The following BRINP3 variants were observed in gnomAD, a reference collection of about 807,000 sequenced individuals.
BRINP3 encodes the protein BMP/retinoic acid inducible neural specific 3.
Under a neutral mutation model 71.0 loss-of-function variants are expected in BRINP3, and 19 were observed. The observed-to-expected ratio is 0.27, with a 90% CI of 0.19 to 0.39. The LOEUF is 0.39. BRINP3 is among the 10% of genes least tolerant of loss of function. The probability of loss-of-function intolerance (pLI) is 1.00; values close to 1 mark genes in which losing one functional copy is unlikely to be tolerated. For missense variants in BRINP3, 959 were observed against 940.8 expected, an observed-to-expected ratio of 1.02 and a Z score of -0.25; for synonymous variants, 380 against 337.7, an observed-to-expected ratio of 1.13 and a Z score of -1.37.
At chr1:190,466,359 G>A (rs1415438046) in intron 1 of BRINP3, among the ~76,000 whole-genome samples, 1 of 151,554 alleles carries the variant, frequency 6.6e-6, no homozygotes, top group Non-Finnish European at 1.5e-5. Flanking sequence ...AGGCATACAA[G>A]GTGAAATGAG....
At chr1:190,145,891 T>C (rs928156828) in intron 7 of BRINP3, among the ~76,000 whole-genome samples, 1 of 152,158 alleles carries the variant, frequency 6.6e-6, no homozygotes, top group African/African-American at 2.4e-5. Context: ...AATAGAATAA[T>C]GTCTTTTGCA....
chr1:190,431,834 T>C (rs2102510999), intron 2 of BRINP3, among the ~76,000 whole-genome samples: 1 of 152,248 alleles, frequency 6.6e-6, no homozygotes, highest in South Asian at 2.1e-4. Context: ...TGCCAGATAA[T>C]GCAAATGATA....
intron 2 of BRINP3, among the ~76,000 whole-genome samples, chr1:190,320,968 C>G (rs542532855): frequency 6.6e-6 from 1 of 151,968 alleles, no homozygotes; most frequent in Non-Finnish European, 1.5e-5. Context: ...TATATATACA[C>G]ACACACACAC....
chr1:190,257,247 C>G (rs905928160), intron 4 of BRINP3, among the ~76,000 whole-genome samples: 2 of 152,158 alleles, frequency 1.3e-5, no homozygotes, highest in African/African-American at 4.8e-5. Flanking sequence ...GATCTTCAAT[C>G]ATTGATACCC....
intron 2 of BRINP3, among the ~76,000 whole-genome samples, chr1:190,414,168 AT>A (rs1257307897): frequency 6.6e-6 from 1 of 152,040 alleles, no homozygotes; most frequent in Admixed American, 6.6e-5. Context: ...AAAAAATAAT[AT>A]TTTTTACTAT....
intron 1 of BRINP3, among the ~76,000 whole-genome samples, chr1:190,465,462 G>A (rs1039112431): frequency 3.3e-5 from 5 of 151,812 alleles, no homozygotes; most frequent in Non-Finnish European, 5.9e-5. Flanking sequence ...TGCTAAGTCA[G>A]TTTTATTTGA....
chr1:190,445,648 T>C (rs996423263), intron 2 of BRINP3, among the ~76,000 whole-genome samples: 1 of 151,940 alleles, frequency 6.6e-6, no homozygotes, highest in Non-Finnish European at 1.5e-5. Context: ...CCAGTTTTTT[T>C]CCTCTAATTT....
At chr1:190,158,060 T>C (rs1391797499) in intron 7 of BRINP3, among the ~76,000 whole-genome samples, 3 of 152,132 alleles carry the variant, frequency 2.0e-5, no homozygotes, top group African/African-American at 4.8e-5. Context: ...GGAACTGATA[T>C]AGTTTGGCTG....
intron 2 of BRINP3, among the ~76,000 whole-genome samples, chr1:190,288,591 T>C (rs1189233268): frequency 6.6e-6 from 1 of 151,922 alleles, no homozygotes; most frequent in South Asian, 2.1e-4. Flanking sequence ...ATCATGGGTG[T>C]AATAAAACTG....
At chr1:190,161,317 A>G (rs1031779955) in intron 6 of BRINP3, among the ~76,000 whole-genome samples, 2 of 151,886 alleles carry the variant, frequency 1.3e-5, no homozygotes, top group Non-Finnish European at 2.9e-5. Context: ...AATTTTTATT[A>G]AATCAGAATA....
chr1:190,104,914 A>G (rs1030730482), intron 7 of BRINP3, among the ~76,000 whole-genome samples: 59 of 152,032 alleles, frequency 3.9e-4, no homozygotes, highest in African/African-American at 1.4e-3. Context: ...AACCTAAACT[A>G]TATAATTTCA....
intron 2 of BRINP3, among the ~76,000 whole-genome samples, chr1:190,410,668 G>C (rs900035421): frequency 6.6e-6 from 1 of 152,018 alleles, no homozygotes; most frequent in Non-Finnish European, 1.5e-5. Context: ...CGTTTTAGAA[G>C]AAAAACTAAT....
chr1:190,197,521 C>T (rs1047435179), intron 6 of BRINP3, among the ~76,000 whole-genome samples: 1 of 152,184 alleles, frequency 6.6e-6, no homozygotes, highest in Non-Finnish European at 1.5e-5. Context: ...TGGGTAAATA[C>T]AGCCATTCCA....
intron 2 of BRINP3, among the ~76,000 whole-genome samples, chr1:190,298,820 C>A (rs1664451972): frequency 6.6e-6 from 1 of 152,030 alleles, no homozygotes; most frequent in Non-Finnish European, 1.5e-5. Context: ...TTGACTAGAT[C>A]ATGTTTGTTG....
At chr1:190,441,259 G>A (rs1350442795) in intron 2 of BRINP3, among the ~76,000 whole-genome samples, 1 of 151,996 alleles carries the variant, frequency 6.6e-6, no homozygotes, top group Non-Finnish European at 1.5e-5. Flanking sequence ...GGAACACACA[G>A]TGTATGTTAT....
At position 190,273,197 on chromosome 1, in the gene BRINP3, G is replaced by C. The variant is rs142636270; in HGVS notation, c.428-8142C>G. On this transcript the variant is annotated intron_variant, in intron 3 of 7. Coordinates refer to ENST00000367462, the MANE Select transcript of BRINP3 (RefSeq NM_199051.3). Reference sequence around the variant, plus strand: ...AGTATTAAATTATAACAATTCATCAGAACCTATGTAAATGACACACAATGT... The same window carrying C: ...AGTATTAAATTATAACAATTCATCACAACCTATGTAAATGACACACAATGT... Among the ~76,000 whole-genome samples the C allele has an allele frequency of 1.6e-4, 24 of 151,380 alleles. No individual in the cohort carries two copies. The East Asian group carries it at 3.9e-3, about 25-fold the overall frequency.
intron 7 of BRINP3, among the ~76,000 whole-genome samples, chr1:190,144,999 T>A (rs553667438): frequency 3.9e-5 from 6 of 152,326 alleles, no homozygotes; most frequent in East Asian, 1.9e-4. Flanking sequence ...GACAACCACA[T>A]AGATACCTAA....
chr1:190,403,121 C>T (rs1391417722), intron 2 of BRINP3, among the ~76,000 whole-genome samples: 1 of 152,154 alleles, frequency 6.6e-6, no homozygotes, highest in Non-Finnish European at 1.5e-5. Context: ...ATACTTTTCT[C>T]TATTATCAAA....
At chr1:190,184,830 T>C (rs1446577287) in intron 6 of BRINP3, among the ~76,000 whole-genome samples, 1 of 151,952 alleles carries the variant, frequency 6.6e-6, no homozygotes, top group Non-Finnish European at 1.5e-5. Flanking sequence ...TACCCTAACC[T>C]CAGCATCAAG....
Sources: allele counts gnomAD v4.1 joint callset (sites outside exome capture counted in the v4.1 genomes callset), GRCh38; gene constraint gnomAD v4.1.1; transcripts MANE v1.5; gene names NCBI Gene and HGNC (gene_info 2026-07-23, HGNC 2026-07-21).